GPHN: variants seen among roughly 807,000 people sequenced by gnomAD.
GPHN encodes gephyrin.
Under a neutral mutation model 95.5 loss-of-function variants are expected in GPHN, and 17 were observed. The ratio of observed to expected loss-of-function variants is 0.18; its 90% CI spans 0.12 to 0.27. The LOEUF is 0.27. Among genes scored for constraint, GPHN ranks in the 10% least tolerant of loss-of-function variants. GPHN has a pLI of 1.00. For missense variants in GPHN, 660 were observed against 978.1 expected, an observed-to-expected ratio of 0.67 and a Z score of 4.34; for synonymous variants, 320 against 322.5, an observed-to-expected ratio of 0.99 and a Z score of 0.08.
At chr14:67,029,689 G>T (rs1027491276) in intron 10 of GPHN, among the ~76,000 whole-genome samples, 4 of 152,214 alleles carry the variant, frequency 2.6e-5, no homozygotes, top group African/African-American at 9.7e-5. Context: ...TACTCATTTA[G>T]TGAAGATACA....
chr14:67,143,081 C>T (rs1007377778), intron 17 of GPHN: 1 of 384,418 alleles, frequency 2.6e-6, no homozygotes, highest in Admixed American at 3.7e-5. Context: ...TAGACATCCT[C>T]CAACATCTCA....
the GPHN span, chr14:67,585,403 T>C: frequency 1.7e-6 from 1 of 596,938 alleles, no homozygotes; most frequent in Non-Finnish European, 3.0e-6. Context: ...CAGCCTTGTC[T>C]ATTTCCTGCA....
the GPHN span, among the ~76,000 whole-genome samples, chr14:67,545,111 T>C: frequency 1.3e-5 from 2 of 152,218 alleles, no homozygotes; most frequent in Non-Finnish European, 2.9e-5. Flanking sequence ...CTTCCAGACA[T>C]AAGCAATCAA....
the GPHN span, among the ~76,000 whole-genome samples, chr14:67,719,596 T>C: frequency 6.6e-6 from 1 of 152,086 alleles, no homozygotes; most frequent in Non-Finnish European, 1.5e-5. Context: ...TGCCTCAGCC[T>C]CCCAAGTAGC....
chr14:67,425,919 T>A, the GPHN span, among the ~76,000 whole-genome samples: 3 of 151,914 alleles, frequency 2.0e-5, no homozygotes, highest in Non-Finnish European at 2.9e-5. Context: ...AAAAAAATTT[T>A]TTTTTTTGGT....
chr14:66,654,449 C>G (rs2099685912), intron 1 of GPHN, among the ~76,000 whole-genome samples: 1 of 152,134 alleles, frequency 6.6e-6, no homozygotes, highest in South Asian at 2.1e-4. Context: ...AATGTATTTT[C>G]CATCTGCAAA....
In GPHN at chr14:66,605,620, C is replaced by G. The variant is rs559503703; in HGVS notation, c.65-75487C>G. On this transcript the variant is annotated intron_variant, in intron 1 of 22. Coordinates refer to ENST00000478722, the MANE Select transcript of GPHN (RefSeq NM_020806.5). Reference sequence around the variant, plus strand: ...TCTCAGCTTACTGCAATCTCTGCCCCCCAGGTTAACACCATTTTCCTGCCT... The same window carrying G: ...TCTCAGCTTACTGCAATCTCTGCCCGCCAGGTTAACACCATTTTCCTGCCT... Among the ~76,000 whole-genome samples the G allele has an allele frequency of 4.0e-4, 61 of 151,450 alleles. No individual in the cohort carries two copies. The East Asian group carries it at 7.2e-3, about 18-fold the overall frequency.
At chr14:67,212,767 T>G in the GPHN span, among the ~76,000 whole-genome samples, 2 of 150,928 alleles carry the variant, frequency 1.3e-5, no homozygotes, top group Admixed American at 6.6e-5. Context: ...CCTAACAAAG[T>G]ATAGGCCAAG....
At chr14:67,646,764 T>C in the GPHN span, 7 of 1,576,740 alleles carry the variant, frequency 4.4e-6, no homozygotes, top group Non-Finnish European at 6.1e-6. Context: ...TGGCTGAAGT[T>C]TAGGGCCTGT....
chr14:67,186,890 A>G, the GPHN span, among the ~76,000 whole-genome samples: 1 of 152,226 alleles, frequency 6.6e-6, no homozygotes, highest in Admixed American at 6.5e-5. Flanking sequence ...TCAATGACCA[A>G]GTGATTGAGA....
chr14:66,524,315 G>T (rs901652723), intron 1 of GPHN, among the ~76,000 whole-genome samples: 2 of 152,034 alleles, frequency 1.3e-5, no homozygotes, highest in Admixed American at 1.3e-4. Context: ...ATTAGTAGAT[G>T]AGGACCTTAT....
At chr14:66,735,716 T>G (rs1368848733) in intron 2 of GPHN, among the ~76,000 whole-genome samples, 3 of 152,168 alleles carry the variant, frequency 2.0e-5, no homozygotes, top group Non-Finnish European at 4.4e-5. Flanking sequence ...TATTTTATTT[T>G]TATGATTCAA....
chr14:67,360,866 G>T, the GPHN span: 1 of 152,104 alleles, frequency 6.6e-6, no homozygotes. Context: ...CGCCCCAACA[G>T]CTCTACCAAA....
At chr14:67,329,062 C>T in the GPHN span, among the ~76,000 whole-genome samples, 1 of 152,080 alleles carries the variant, frequency 6.6e-6, no homozygotes, top group East Asian at 1.9e-4. Context: ...TATAAATTAC[C>T]TTGGGCAGTA....
intron 18 of GPHN, among the ~76,000 whole-genome samples, chr14:67,146,390 A>G (rs1413798820): frequency 6.6e-6 from 1 of 152,332 alleles, no homozygotes. Context: ...ATAGTTAAAC[A>G]GTATCTGCCT....
chr14:67,708,444 T>C, the GPHN span, among the ~76,000 whole-genome samples: 1 of 152,114 alleles, frequency 6.6e-6, no homozygotes, highest in South Asian at 2.1e-4. Flanking sequence ...CTATAGCTGA[T>C]TATAAAACCA....
At chr14:66,968,054 TAATG>T (rs901242086) in intron 9 of GPHN, among the ~76,000 whole-genome samples, 11 of 152,014 alleles carry the variant, frequency 7.2e-5, no homozygotes, top group African/African-American at 2.2e-4. Context: ...TTATTTAAAA[TAATG>T]AATCTTTTTG....
At chr14:67,216,840 A>G in the GPHN span, among the ~76,000 whole-genome samples, 3 of 152,174 alleles carry the variant, frequency 2.0e-5, no homozygotes, top group Non-Finnish European at 4.4e-5. Flanking sequence ...CATATAGTCA[A>G]TCCTGGAGAA....
intron 12 of GPHN, among the ~76,000 whole-genome samples, chr14:67,092,354 C>G (rs113771914): frequency 0.027 from 4,145 of 152,044 alleles, 81 homozygotes; most frequent in Non-Finnish European, 0.038. Flanking sequence ...CCTTTGAGTA[C>G]CTCCTTCTCT....
Sources: gnomAD v4.1 joint callset for allele counts (sites outside exome capture counted in the v4.1 genomes callset) on GRCh38, gnomAD v4.1.1 for gene constraint, MANE v1.5 for transcripts, NCBI Gene and HGNC (gene_info 2026-07-23, HGNC 2026-07-21) for gene names.